Variants in CCSER1 observed in about 807,000 individuals in gnomAD.
CCSER1 encodes the protein coiled-coil serine rich protein 1.
A neutral mutation model predicts 82.0 loss-of-function variants in CCSER1; 41 were observed. The ratio of observed to expected loss-of-function variants is 0.50; its 90% CI spans 0.39 to 0.65. The LOEUF is 0.65. Ranked by LOEUF, CCSER1 falls within the 30% of genes least tolerant of loss-of-function variation. The pLI, the probability that CCSER1 is intolerant of heterozygous loss-of-function variation, is 0.00. For synonymous variants in CCSER1, 414 were observed against 383.9 expected (o/e 1.08, Z -0.92); for missense variants, 1,119 against 1,064.2 (o/e 1.05, Z -0.72).
At chr4:90,488,315 G>A (rs1275652143) in intron 5 of CCSER1, among the ~76,000 whole-genome samples, 4 of 152,012 alleles carry the variant, frequency 2.6e-5, no homozygotes, top group African/African-American at 9.7e-5. Flanking sequence ...AGCCTCCCGA[G>A]TAGCTGGGAC....
intron 1 of CCSER1, among the ~76,000 whole-genome samples, chr4:90,245,855 A>G (rs1271404321): frequency 1.3e-5 from 2 of 152,314 alleles, no homozygotes; most frequent in African/African-American, 4.8e-5. Context: ...AACACATTAT[A>G]AAATATTTGC....
At chr4:90,475,503 A>G (rs1764954118) in intron 5 of CCSER1, among the ~76,000 whole-genome samples, 1 of 152,192 alleles carries the variant, frequency 6.6e-6, no homozygotes, top group Non-Finnish European at 1.5e-5. Flanking sequence ...CCTCAAGTCT[A>G]TAGTGGATTT....
At chr4:90,743,827 A>G (rs1746949321) in intron 7 of CCSER1, among the ~76,000 whole-genome samples, 1 of 152,224 alleles carries the variant, frequency 6.6e-6, no homozygotes, top group Non-Finnish European at 1.5e-5. Flanking sequence ...CTGATTAGTC[A>G]TAATTTTTGG....
At chr4:90,742,607 C>T (rs931477791) in intron 7 of CCSER1, among the ~76,000 whole-genome samples, 19 of 152,034 alleles carry the variant, frequency 1.2e-4, no homozygotes, top group African/African-American at 4.1e-4. Context: ...TTTGGACTTC[C>T]CAGCCTCTAG....
chr4:90,258,775 G>T (rs2153447339), intron 1 of CCSER1, among the ~76,000 whole-genome samples: 1 of 152,188 alleles, frequency 6.6e-6, no homozygotes, highest in Admixed American at 6.5e-5. Flanking sequence ...CTTTAGTGGT[G>T]AATTATGAGA....
chr4:91,224,815 T>A (rs766692792), intron 10 of CCSER1, among the ~76,000 whole-genome samples: 32 of 151,934 alleles, frequency 2.1e-4, no homozygotes, highest in Non-Finnish European at 2.5e-4. Flanking sequence ...CTATTTTTTT[T>A]AACCATGAAT....
chr4:90,452,500 C>G (rs1265420492), intron 4 of CCSER1, among the ~76,000 whole-genome samples: 2 of 152,234 alleles, frequency 1.3e-5, no homozygotes, highest in African/African-American at 2.4e-5. Context: ...ACCACTGCAA[C>G]TGCCAAGAGG....
chr4:91,284,489 A>C (rs1359621482), intron 10 of CCSER1, among the ~76,000 whole-genome samples: 1 of 152,106 alleles, frequency 6.6e-6, no homozygotes, highest in Non-Finnish European at 1.5e-5. Context: ...CCTGCATTTC[A>C]GTTCGGGAGA....
intron 10 of CCSER1, among the ~76,000 whole-genome samples, chr4:91,248,441 T>G (rs1242549093): frequency 5.3e-5 from 8 of 152,102 alleles, no homozygotes; most frequent in Non-Finnish European, 8.8e-5. Context: ...CAACGTTGAG[T>G]CATGTTGATA....
chr4:91,062,543 C>A (rs995601118), intron 9 of CCSER1, among the ~76,000 whole-genome samples: 1 of 151,874 alleles, frequency 6.6e-6, no homozygotes, highest in Non-Finnish European at 1.5e-5. Flanking sequence ...TGAGGTGGTC[C>A]CTGGAGTGCT....
At chr4:91,137,153 C>A (rs1027912847) in intron 10 of CCSER1, among the ~76,000 whole-genome samples, 1 of 113,424 alleles carries the variant, frequency 8.8e-6, no homozygotes, top group African/African-American at 3.3e-5. Flanking sequence ...CAATGCTATC[C>A]CTCCCCCCTC....
intron 10 of CCSER1, among the ~76,000 whole-genome samples, chr4:91,538,164 T>C (rs551180840): frequency 6.6e-6 from 1 of 152,214 alleles, no homozygotes; most frequent in Non-Finnish European, 1.5e-5. Context: ...AAAGAAATTC[T>C]TTCCTTGTAA....
intron 4 of CCSER1, among the ~76,000 whole-genome samples, chr4:90,427,583 A>C (rs1046483931): frequency 6.6e-6 from 1 of 151,712 alleles, no homozygotes; most frequent in African/African-American, 2.4e-5. Flanking sequence ...GTCAAAAGCT[A>C]TAGTGATTAT....
intron 8 of CCSER1, among the ~76,000 whole-genome samples, chr4:90,836,907 C>A (rs1343155510): frequency 6.6e-6 from 1 of 152,238 alleles, no homozygotes. Context: ...AAACAAGTAA[C>A]TTCACTGAGC....
chr4:90,609,660 A>G (rs972427513), intron 5 of CCSER1, among the ~76,000 whole-genome samples: 1 of 152,158 alleles, frequency 6.6e-6, no homozygotes, highest in Non-Finnish European at 1.5e-5. Flanking sequence ...CAATTGAGAT[A>G]TTCATTAGGC....
chr4:90,137,836 G>A (rs1260488089), intron 1 of CCSER1, among the ~76,000 whole-genome samples: 3 of 152,134 alleles, frequency 2.0e-5, no homozygotes, highest in Non-Finnish European at 2.9e-5. Flanking sequence ...CAGATGCTAC[G>A]TTACTTAACT....
chr4:90,649,395 A>G (rs1348859490), intron 6 of CCSER1: 1 of 152,224 alleles, frequency 6.6e-6, no homozygotes, highest in Non-Finnish European at 1.5e-5. Context: ...CAATGTGACT[A>G]TGCTTAGAGA....
rs1470702845 is a variant in CCSER1, at chr4:90,628,247, T to A, written c.1932+15T>A. 1 of 1,598,514 alleles carries A rather than the reference T, an allele frequency of 6.3e-7. No homozygotes were observed. The highest frequency in any genetic ancestry group is 8.6e-7 in the Non-Finnish European group (1 of 1,166,830). On this transcript the variant is annotated intron_variant, in intron 6 of 10. Coordinates refer to ENST00000509176, the MANE Select transcript of CCSER1 (RefSeq NM_001145065.2). Reference sequence around the variant, plus strand: ...TTCTTCAAGAGGTAATGGTTTCCTCTAAGATTAATGTCCTTCAGTGCTGGT... The same window carrying A: ...TTCTTCAAGAGGTAATGGTTTCCTCAAAGATTAATGTCCTTCAGTGCTGGT...
chr4:90,785,357 T>C (rs576909649), intron 7 of CCSER1, among the ~76,000 whole-genome samples: 3 of 152,290 alleles, frequency 2.0e-5, no homozygotes, highest in African/African-American at 7.2e-5. Flanking sequence ...AAGGGTCAAC[T>C]GTATGTAGTT....
Sources: allele counts gnomAD v4.1 joint callset (sites outside exome capture counted in the v4.1 genomes callset), GRCh38; gene constraint gnomAD v4.1.1; transcripts MANE v1.5; gene names NCBI Gene and HGNC (gene_info 2026-07-23, HGNC 2026-07-21).